Variants in ZBTB7C observed in about 807,000 individuals in gnomAD.
The protein encoded by ZBTB7C is zinc finger and BTB domain-containing protein 7C.
In ZBTB7C, 8 loss-of-function variants were observed where a neutral mutation model predicts 25.7. That is an observed-to-expected ratio of 0.31 (90% CI 0.18 to 0.56). ZBTB7C has a LOEUF of 0.56. Among genes scored for constraint, ZBTB7C ranks in the 20% least tolerant of loss-of-function variants. The pLI, the probability that ZBTB7C is intolerant of heterozygous loss-of-function variation, is 0.91. For missense variants in ZBTB7C, 824 were observed against 855.2 expected, an observed-to-expected ratio of 0.96 and a Z score of 0.46; for synonymous variants, 394 against 369.0, an observed-to-expected ratio of 1.07 and a Z score of -0.78.
At chr18:48,080,538 T>C (rs1296903125) in intron 3 of ZBTB7C, among the ~76,000 whole-genome samples, 2 of 152,200 alleles carry the variant, frequency 1.3e-5, no homozygotes, top group Non-Finnish European at 2.9e-5. Context: ...ATCTAACCCG[T>C]CAAGCTGCTT....
chr18:48,287,056 C>T (rs981743842), intron 2 of ZBTB7C, among the ~76,000 whole-genome samples: 13 of 152,100 alleles, frequency 8.5e-5, no homozygotes, highest in East Asian at 3.8e-4. Flanking sequence ...AGAGCAGTTT[C>T]GGATAACTCC....
chr18:48,031,815 C>A (rs1345887855), intron 4 of ZBTB7C, among the ~76,000 whole-genome samples: 1 of 152,224 alleles, frequency 6.6e-6, no homozygotes, highest in African/African-American at 2.4e-5. Context: ...CCAAACTCAC[C>A]CAGAGGGTCA....
intron 2 of ZBTB7C, among the ~76,000 whole-genome samples, chr18:48,262,174 A>C (rs890669311): frequency 3.3e-5 from 5 of 152,200 alleles, no homozygotes; most frequent in Admixed American, 6.5e-5. Context: ...ACTGAGGCAC[A>C]GGAGAGTAAA....
chr18:48,102,000 A>G (rs1342959394), intron 3 of ZBTB7C, among the ~76,000 whole-genome samples: 1 of 152,236 alleles, frequency 6.6e-6, no homozygotes, highest in African/African-American at 2.4e-5. Flanking sequence ...TTTTGAAAAC[A>G]GAAAAAAAGA....
chr18:48,104,401 G>A (rs1568221100), intron 3 of ZBTB7C, among the ~76,000 whole-genome samples: 1 of 152,180 alleles, frequency 6.6e-6, no homozygotes, highest in African/African-American at 2.4e-5. Context: ...AGAAGCAGAT[G>A]ATGGCACCAT....
At position 48,340,108 on chromosome 18, in the gene ZBTB7C, C is replaced by T. The variant is rs1011620954; in HGVS notation, c.-303-1710G>A. On this transcript the variant is annotated intron_variant, in intron 1 of 4. Transcript: ENST00000590800. ...AATGAAAACAACTCATAGAAGTCTG[C>T]CCATTTGACGAAAGATCTCAGTTGC... Among the ~76,000 whole-genome samples, 18 of 152,334 alleles carry T rather than the reference C, an allele frequency of 1.2e-4. No individual in the cohort carries two copies. In the East Asian group the frequency reaches 1.5e-3, roughly 13 times the overall value.
At chr18:48,236,572 T>C (rs1241504973) in intron 2 of ZBTB7C, among the ~76,000 whole-genome samples, 1 of 152,174 alleles carries the variant, frequency 6.6e-6, no homozygotes, top group Non-Finnish European at 1.5e-5. Flanking sequence ...CATCTTGAAA[T>C]ATGAACAGAA....
At chr18:48,043,495 T>C (rs1224360951) in intron 3 of ZBTB7C, among the ~76,000 whole-genome samples, 1 of 152,200 alleles carries the variant, frequency 6.6e-6, no homozygotes, top group Non-Finnish European at 1.5e-5. Context: ...ATGGGTTAGA[T>C]ATTGCATGAT....
At chr18:48,092,088 G>T (rs1484347889) in intron 3 of ZBTB7C, among the ~76,000 whole-genome samples, 1 of 152,150 alleles carries the variant, frequency 6.6e-6, no homozygotes, top group African/African-American at 2.4e-5. Flanking sequence ...AATAATAAGG[G>T]CACCATCCAC....
chr18:48,090,791 A>C lies in ZBTB7C; in HGVS notation c.-16-49668T>G, dbSNP rs551624173. ...ACCCCTTGCCTGTCTTACCAGAATC[A>C]GACCCATCTACCTTCCAGTTCCACT... On this transcript the variant is annotated intron_variant, in intron 3 of 4. Transcript: ENST00000590800. 4.6e-5 allele frequency among the ~76,000 whole-genome samples: 7 copies of C among 151,448 alleles called. No homozygotes were observed. The South Asian group carries it at 1.4e-3, about 31-fold the overall frequency.
chr18:48,112,497 G>A (rs971890673), intron 3 of ZBTB7C, among the ~76,000 whole-genome samples: 4 of 151,736 alleles, frequency 2.6e-5, no homozygotes, highest in South Asian at 2.1e-4. Flanking sequence ...CCAGGCACGC[G>A]CTACCATGCC....
chr18:48,160,488 C>T (rs1455268580), intron 3 of ZBTB7C, among the ~76,000 whole-genome samples: 2 of 152,228 alleles, frequency 1.3e-5, no homozygotes, highest in Admixed American at 6.5e-5. Context: ...CAGGTCATCT[C>T]CCGCTCTGGG....
chr18:48,136,020 G>A (rs1229414598), intron 3 of ZBTB7C, among the ~76,000 whole-genome samples: 1 of 152,210 alleles, frequency 6.6e-6, no homozygotes, highest in Non-Finnish European at 1.5e-5. Context: ...AGCGACCCTG[G>A]AGCCCTCACC....
At chr18:48,065,252 A>G (rs1402720932) in intron 3 of ZBTB7C, among the ~76,000 whole-genome samples, 1 of 152,120 alleles carries the variant, frequency 6.6e-6, no homozygotes, top group Admixed American at 6.5e-5. Flanking sequence ...ATTTGCAACT[A>G]TGAACTTTGA....
chr18:48,401,377 A>T (rs2048155043), intron 1 of ZBTB7C, among the ~76,000 whole-genome samples: 1 of 152,094 alleles, frequency 6.6e-6, no homozygotes, highest in South Asian at 2.1e-4. Flanking sequence ...TGTATGTATT[A>T]TCTTATCTCA....
At chr18:48,334,630 A>G (rs1223651449) in intron 2 of ZBTB7C, among the ~76,000 whole-genome samples, 1 of 152,220 alleles carries the variant, frequency 6.6e-6, no homozygotes, top group East Asian at 1.9e-4. Context: ...GGCAGTGGCC[A>G]GAGCTGCCAT....
chr18:48,243,272 A>C (rs1047872612), intron 2 of ZBTB7C, among the ~76,000 whole-genome samples: 1,374 of 51,108 alleles, frequency 0.027, 8 homozygotes, highest in African/African-American at 0.06. Context: ...CCCCCCCACA[A>C]AAAAAAAAAA....
chr18:48,340,452 C>G (rs1682613639), intron 1 of ZBTB7C, among the ~76,000 whole-genome samples: 1 of 152,190 alleles, frequency 6.6e-6, no homozygotes, highest in Non-Finnish European at 1.5e-5. Context: ...CATCATCGCT[C>G]TTTGTCCCAG....
intron 2 of ZBTB7C, among the ~76,000 whole-genome samples, chr18:48,287,103 T>C (rs2045080559): frequency 6.6e-6 from 1 of 152,202 alleles, no homozygotes; most frequent in Non-Finnish European, 1.5e-5. Context: ...GATCTTAGTG[T>C]AATTAAATTT....
Sources: allele counts gnomAD v4.1 joint callset (sites outside exome capture counted in the v4.1 genomes callset), GRCh38; gene constraint gnomAD v4.1.1; transcripts MANE v1.5; gene names NCBI Gene and HGNC (gene_info 2026-07-23, HGNC 2026-07-21).